B4GALT6: variants seen among roughly 807,000 people sequenced by gnomAD.
B4GALT6 encodes the protein beta-1,4-galactosyltransferase 6.
Under a neutral mutation model 46.3 loss-of-function variants are expected in B4GALT6, and 14 were observed. That is an observed-to-expected ratio of 0.30 (90% confidence interval 0.20 to 0.47). The LOEUF (loss-of-function observed/expected upper bound fraction) is 0.47, where lower values mean the gene tolerates loss of function less well. B4GALT6 is among the 20% of genes least tolerant of loss of function. The probability of loss-of-function intolerance (pLI) is 0.99; values close to 1 mark genes in which losing one functional copy is unlikely to be tolerated. For missense variants in B4GALT6, 386 were observed against 480.1 expected (o/e 0.80, Z 1.83); for synonymous variants, 168 against 162.0 (o/e 1.04, Z -0.28).
intron 1 of B4GALT6, among the ~76,000 whole-genome samples, chr18:31,680,406 C>T (rs1219360506): frequency 6.6e-6 from 1 of 152,154 alleles, no homozygotes; most frequent in Non-Finnish European, 1.5e-5. Context: ...TGCACATAGA[C>T]CCCACACTTT....
chr18:31,626,247 G>C (rs1446148730), intron 8 of B4GALT6, 36 bp downstream of exon 8: 1 of 1,233,550 alleles, frequency 8.1e-7, no homozygotes, highest in Non-Finnish European at 1.1e-6. Context: ...CAACAGCTTT[G>C]GAAACCTTGG....
intron 1 of B4GALT6, among the ~76,000 whole-genome samples, chr18:31,681,040 T>C (rs778393055): frequency 6.6e-6 from 1 of 152,176 alleles, no homozygotes; most frequent in Admixed American, 6.5e-5. Flanking sequence ...AAGGATTTAC[T>C]ACAGCAGTTT....
chr18:31,674,285 G>A (rs2074390779), intron 1 of B4GALT6, among the ~76,000 whole-genome samples: 1 of 152,176 alleles, frequency 6.6e-6, no homozygotes, highest in African/African-American at 2.4e-5. Flanking sequence ...ACTCTGAGGG[G>A]AAGGGATTTG....
intron 1 of B4GALT6, among the ~76,000 whole-genome samples, chr18:31,676,239 G>C (rs1042596477): frequency 2.6e-5 from 4 of 152,006 alleles, no homozygotes; most frequent in Non-Finnish European, 5.9e-5. Context: ...ATTAACACTT[G>C]CCTCAAATAT....
At chr18:31,628,119 G>C (rs1177869866) in intron 6 of B4GALT6, among the ~76,000 whole-genome samples, 1 of 152,222 alleles carries the variant, frequency 6.6e-6, no homozygotes, top group Non-Finnish European at 1.5e-5. Context: ...TTCTTTCATG[G>C]AAGCCTAGGG....
the B4GALT6 span, among the ~76,000 whole-genome samples, chr18:31,702,500 A>T: frequency 6.6e-6 from 1 of 152,178 alleles, no homozygotes; most frequent in African/African-American, 2.4e-5. Context: ...GCTCCAGAAA[A>T]TCATACATCT....
chr18:31,679,146 AATG>A (rs2074450197), intron 1 of B4GALT6, among the ~76,000 whole-genome samples: 2 of 152,358 alleles, frequency 1.3e-5, no homozygotes, highest in Admixed American at 6.5e-5. Flanking sequence ...TAAAGGCAGT[AATG>A]ATAAGCACTG....
At chr18:31,717,596 A>T in the B4GALT6 span, among the ~76,000 whole-genome samples, 13 of 152,158 alleles carry the variant, frequency 8.5e-5, no homozygotes, top group South Asian at 2.1e-4. Context: ...ACATAGAAAG[A>T]TGCCTATATT....
chr18:31,658,119 A>G, intron 2 of B4GALT6, 30 bp from the exon 3 acceptor site: 1 of 1,540,198 alleles, frequency 6.5e-7, no homozygotes, highest in Non-Finnish European at 8.8e-7. Context: ...GTTACAAAAA[A>G]AAAAAAAAGG....
chr18:31,682,648 G>T (rs2074493465), intron 1 of B4GALT6, among the ~76,000 whole-genome samples: 1 of 152,064 alleles, frequency 6.6e-6, no homozygotes, highest in Non-Finnish European at 1.5e-5. Flanking sequence ...ATTTCCTTTG[G>T]TTAGCTTTTT....
Position 31,625,325 on chromosome 18 carries a change from T to G in B4GALT6, c.*289A>C, listed in dbSNP as rs557124386. The stretch of plus-strand genomic sequence containing the variant: ...AAAAGCATTCTCTTGAATTAAATTA[T>G]AGATTTTAGTATAAAAATTTTCTCT... On this transcript the variant is annotated 3_prime_UTR_variant, in exon 9 of 9. Transcript: ENST00000306851. The G allele has an allele frequency of 3.2e-6, 1 of 315,076 alleles. No homozygotes were observed. The highest frequency in any genetic ancestry group is 5.1e-5 in the Admixed American group (1 of 19,608). The allele number at this position is 315,076 out of a possible 1,614,324, so 19.5% of individuals were successfully genotyped here. A position where few individuals can be genotyped will look rare whatever the true frequency, so the allele number is the denominator to read the frequency against.
In B4GALT6 at chr18:31,648,775, C is replaced by T. The variant is rs140835106; in HGVS notation, c.347-3296G>A. 4.4e-4 allele frequency among the ~76,000 whole-genome samples: 67 copies of T among 152,242 alleles called. No homozygotes were observed. The Middle Eastern group carries it at 0.01, about 23-fold the overall frequency. On this transcript the variant is annotated intron_variant, in intron 3 of 8. Coordinates refer to ENST00000306851, the MANE Select transcript of B4GALT6 (RefSeq NM_004775.5). ...ATATTCAAAACCTATGAATTACCTA[C>T]GTTTATATTTTTCTAACATTTCAAG...
At chr18:31,646,597 T>A (rs750748529) in intron 3 of B4GALT6, among the ~76,000 whole-genome samples, 9 of 152,238 alleles carry the variant, frequency 5.9e-5, no homozygotes, top group Non-Finnish European at 1.3e-4. Flanking sequence ...CTCTCTGACC[T>A]CATCTCATAA....
rs188666044 is a variant in B4GALT6 at position 31,683,666 on chromosome 18, A to T, written c.115+646T>A. Among the ~76,000 whole-genome samples the T allele has an allele frequency of 1.5e-3, 227 of 152,308 alleles. 3 individuals carry two copies. Among genetic ancestry groups the T allele is most frequent in the African/African-American group, 5.1e-3 (210 of 41,550 alleles). The stretch of plus-strand genomic sequence containing the variant: ...AGTTCCCTTAGATAACGGTTATTTT[A>T]ATCACTATTTTCTCAGAAGTCATCC... On this transcript the variant is annotated intron_variant, in intron 1 of 8. Transcript: ENST00000306851.
intron 8 of B4GALT6, 114 bp from the exon 9 acceptor site, chr18:31,625,875 T>C (rs772694758): frequency 5.5e-5 from 46 of 831,598 alleles, no homozygotes; most frequent in Non-Finnish European, 7.2e-5. Flanking sequence ...CCCTTTACAA[T>C]TTCTGGTTCT....
chr18:31,677,747 C>T (rs1407306349), intron 1 of B4GALT6, among the ~76,000 whole-genome samples: 1 of 152,080 alleles, frequency 6.6e-6, no homozygotes, highest in African/African-American at 2.4e-5. Context: ...TTCAGAGGGA[C>T]AAGGGGAAAG....
At chr18:31,627,997 A>C (rs930809955) in intron 6 of B4GALT6, among the ~76,000 whole-genome samples, 2 of 152,238 alleles carry the variant, frequency 1.3e-5, no homozygotes, top group Admixed American at 1.3e-4. Context: ...CAACCACAGC[A>C]AAGCTGTCTC....
Position 31,666,353 on chromosome 18 carries a change from C to G in B4GALT6, c.135G>C (p.Met45Ile), listed in dbSNP as rs2074282612. The G allele has an allele frequency of 6.3e-7, 1 of 1,597,802 alleles. No homozygotes were observed. The highest frequency in any genetic ancestry group is 8.6e-7 in the Non-Finnish European group (1 of 1,169,240). ...APGIANTYLF[M>I]VQARGIMLRE... ...TCAACATTATACCTCGAGCTTGTAC[C>G]ATAAAGAGATATGTGTTGGCTATAA... The change falls in exon 2 of 9, where the codon ATG (methionine) becomes ATC (isoleucine). Residue 45 changes from methionine to isoleucine, a missense_variant. By Grantham distance (10) the Met-to-Ile change is conservative (BLOSUM62 1). Coordinates refer to ENST00000306851, the MANE Select transcript of B4GALT6 (RefSeq NM_004775.5).
upstream of B4GALT6, among the ~76,000 whole-genome samples, chr18:31,690,596 A>G (rs2030075293): frequency 6.6e-6 from 1 of 151,456 alleles, no homozygotes; most frequent in Admixed American, 6.6e-5. Flanking sequence ...TCAGCCTCCC[A>G]AGTAGCTGGG....
Sources: allele counts gnomAD v4.1 joint callset (sites outside exome capture counted in the v4.1 genomes callset), GRCh38; gene constraint gnomAD v4.1.1; transcripts MANE v1.5; gene names NCBI Gene and HGNC (gene_info 2026-07-23, HGNC 2026-07-21).